Variants in NIN observed in about 807,000 individuals in gnomAD.
NIN encodes the protein glycogen synthase kinase 3 beta-interacting protein.
In NIN, 137 loss-of-function variants were observed where a neutral mutation model predicts 257.6. The observed-to-expected ratio is 0.53, with a 90% CI of 0.46 to 0.61. The LOEUF (loss-of-function observed/expected upper bound fraction) is 0.61, where lower values mean the gene tolerates loss of function less well. NIN is among the 20% of genes least tolerant of loss of function. The pLI, the probability that NIN is intolerant of heterozygous loss-of-function variation, is 0.00. For synonymous variants in NIN, 918 were observed against 919.8 expected (o/e 1.00, Z 0.04); for missense variants, 2,439 against 2,501.2 (o/e 0.98, Z 0.53).
intron 5 of NIN, 128 bp downstream of exon 5, chr14:50,792,584 C>A (rs756091778): frequency 1.1e-6 from 1 of 900,744 alleles, no homozygotes; most frequent in East Asian, 2.4e-5. Context: ...ATAAGATTAG[C>A]AAGGAGTTGG....
At chr14:50,746,310 C>G (rs1208342367) in intron 22 of NIN, among the ~76,000 whole-genome samples, 1 of 152,168 alleles carries the variant, frequency 6.6e-6, no homozygotes, top group African/African-American at 2.4e-5. Context: ...AGAAAGGCCC[C>G]ATGAGTTTTA....
chr14:50,757,672 C>T lies in NIN; in HGVS notation c.3358G>A (p.Ala1120Thr), dbSNP rs755431119. ...TGTAAAAACTGCTCTGTTTGTTCCG[C>T]AGTATTTCCAAAAAACTCAGTAGCT... ...EPATEFFGNT[A>T]EQTEQFLQQN... is the part of the protein sequence containing the mutation. Residue 1120 changes from alanine to threonine, a missense_variant, in exon 18 of 31, where the codon GCG becomes ACG. Transcript: ENST00000530997. 2 of 1,614,172 alleles carry T rather than the reference C, an allele frequency of 1.2e-6. No individual in the cohort carries two copies. Among genetic ancestry groups the T allele is most frequent in the East Asian group, 4.5e-5 (2 of 44,880 alleles).
rs1462866977 is a variant in NIN, at chr14:50,756,959, G to A, written c.4071C>T (p.Ile1357=). Residue 1357 remains isoleucine (I), a synonymous_variant, in exon 18 of 31, where the codon ATC becomes ATT. Coordinates refer to ENST00000530997, the MANE Select transcript of NIN (RefSeq NM_020921.4). The part of the protein sequence containing the change: ...LWEASLENLE[I]EPDGNILQLN... ...GCTGGAGTATATTTCCATCAGGTTC[G>A]ATTTCCAGGTTCTCTAAACTGGCTT... The A allele has an allele frequency of 3.1e-6, 5 of 1,606,936 alleles. No homozygotes were observed. The highest frequency in any genetic ancestry group is 2.2e-5 in the East Asian group (1 of 44,720).
At chr14:50,785,728 T>A (rs761201534) in intron 5 of NIN, among the ~76,000 whole-genome samples, 1 of 152,240 alleles carries the variant, frequency 6.6e-6, no homozygotes, top group Non-Finnish European at 1.5e-5. Flanking sequence ...CTAACAGTCC[T>A]AAGTATTTAT....
In NIN at chr14:50,756,791, A is replaced by G; in HGVS notation, c.4239T>C (p.His1413=). The part of the protein sequence containing the change: ...KVKAHEIAWL[H]GTIQTHQERP... ...TTTCTTGATGTGTCTGAATTGTTCCATGTAACCAGGCAATTTCATGTGCTT... is the reference window on the plus strand; with the variant it reads ...TTTCTTGATGTGTCTGAATTGTTCCGTGTAACCAGGCAATTTCATGTGCTT... Residue 1413 remains histidine (H), a synonymous_variant, in exon 18 of 31, where the codon CAT becomes CAC. Transcript: ENST00000530997. The G allele has an allele frequency of 6.4e-7, 1 of 1,551,616 alleles. No homozygotes were observed. The highest frequency in any genetic ancestry group is 8.7e-7 in the Non-Finnish European group (1 of 1,146,966).
chr14:50,737,575 A>C (rs2041049239), intron 27 of NIN, among the ~76,000 whole-genome samples: 1 of 149,674 alleles, frequency 6.7e-6, no homozygotes, highest in Non-Finnish European at 1.5e-5. Flanking sequence ...CCAACTTATA[A>C]GGGCTTCTAA....
At chr14:50,818,334 A>C (rs932658395) in intron 3 of NIN, among the ~76,000 whole-genome samples, 4 of 151,872 alleles carry the variant, frequency 2.6e-5, no homozygotes, top group Admixed American at 1.3e-4. Flanking sequence ...AAAAAAAAAA[A>C]AAAAACACTG....
rs1595684263 is a variant in NIN at position 50,723,859 on chromosome 14, T to C, written c.6193-187A>G. ...AGGGACACCATTGGAACAAATCTACTTTTTCTAAGCTATTTCTTTGCATGA... is the reference window on the plus strand; with the variant it reads ...AGGGACACCATTGGAACAAATCTACCTTTTCTAAGCTATTTCTTTGCATGA... On this transcript the variant is annotated intron_variant, in intron 30 of 30. Transcript: ENST00000530997. The C allele has an allele frequency of 5.2e-6, 3 of 575,970 alleles. No homozygotes were observed. The East Asian group carries it at 8.7e-5, about 17-fold the overall frequency. The allele number at this position is 575,970 out of a possible 1,614,324, so 35.7% of individuals were successfully genotyped here. A position where few individuals can be genotyped will look rare whatever the true frequency, so the allele number is the denominator to read the frequency against.
intron 21 of NIN, among the ~76,000 whole-genome samples, chr14:50,752,172 T>A (rs1044536751): frequency 6.7e-6 from 1 of 148,242 alleles, no homozygotes; most frequent in South Asian, 2.2e-4. Flanking sequence ...TTTTTTTTTA[T>A]ATTTAGTCTC....
chr14:50,762,353 C>T (rs59751493), intron 15 of NIN, among the ~76,000 whole-genome samples: 1,936 of 152,212 alleles, frequency 0.013, 36 homozygotes, highest in African/African-American at 0.044. Flanking sequence ...ATACTTGCTG[C>T]GATGCCCTGA....
intron 15 of NIN, among the ~76,000 whole-genome samples, chr14:50,763,016 G>A (rs532550241): frequency 6.6e-6 from 1 of 152,222 alleles, no homozygotes; most frequent in African/African-American, 2.4e-5. Flanking sequence ...TCCTCAGACT[G>A]GAATGAGCTA....
At chr14:50,810,456 C>G (rs2044540613) in intron 3 of NIN, among the ~76,000 whole-genome samples, 1 of 151,956 alleles carries the variant, frequency 6.6e-6, no homozygotes, top group Non-Finnish European at 1.5e-5. Flanking sequence ...ATTTGGGAGG[C>G]TGAAATAAGA....
chr14:50,805,755 T>C (rs1201998936), intron 4 of NIN, among the ~76,000 whole-genome samples: 2 of 152,192 alleles, frequency 1.3e-5, no homozygotes, highest in Non-Finnish European at 2.9e-5. Flanking sequence ...ATAATTTACA[T>C]AGAGTAAATT....
At position 50,806,807 on chromosome 14, in the gene NIN, G is replaced by C; in HGVS notation, c.195C>G (p.Asp65Glu). 1 of 1,515,594 alleles carries C rather than the reference G, an allele frequency of 6.6e-7. No individual in the cohort carries two copies. Among genetic ancestry groups the C allele is most frequent in the Non-Finnish European group, 9.1e-7 (1 of 1,097,286 alleles). The allele number at this position is 1,515,594 out of a possible 1,614,324, so 93.9% of individuals were successfully genotyped here. ...TGAGTATTAATGCTTCTTTAAATTGGTCAAAATGTACCTAAAAAAAATTAA... is the reference window on the plus strand; with the variant it reads ...TGAGTATTAATGCTTCTTTAAATTGCTCAAAATGTACCTAAAAAAAATTAA... ...QDNLLGRVHF[D>E]QFKEALILIL... The change falls in exon 4 of 31, where the codon GAC becomes GAG. Residue 65 changes from aspartate to glutamate, a missense_variant. Asp to Glu is a conservative substitution (Grantham distance 45). Coordinates refer to ENST00000530997, the MANE Select transcript of NIN (RefSeq NM_020921.4).
chr14:50,817,957 C>T (rs937896314), intron 3 of NIN, among the ~76,000 whole-genome samples: 1 of 151,826 alleles, frequency 6.6e-6, no homozygotes, highest in Non-Finnish European at 1.5e-5. Flanking sequence ...CTCCGGCAAT[C>T]CACCTGCCTC....
chr14:50,794,476 G>C, intron 4 of NIN: 1 of 999,648 alleles, frequency 1.0e-6, no homozygotes, highest in Non-Finnish European at 1.2e-6. Context: ...GACCATTCAG[G>C]AGCGGCCCAG....
rs1471468215 is a variant in NIN at position 50,721,413 on chromosome 14, C to T, written c.*2050G>A. 4.6e-6 allele frequency: 1 copy of T among 215,702 alleles called. No homozygotes were observed. The highest frequency in any genetic ancestry group is 6.9e-5 in the East Asian group (1 of 14,510). The allele number at this position is 215,702 out of a possible 1,614,324, so 13.4% of individuals were successfully genotyped here. On this transcript the variant is annotated 3_prime_UTR_variant, in exon 31 of 31. Transcript: ENST00000530997. ...ATTAAAAATACAACAACCGTGATCA[C>T]ATGCTAAGGCCAGCTATCTGGGAAA...
chr14:50,823,590 C>G (rs1034795664), intron 2 of NIN: 1 of 193,372 alleles, frequency 5.2e-6, no homozygotes, highest in African/African-American at 2.4e-5. Context: ...GGGCCACGAT[C>G]TTGCCAGGGG....
chr14:50,760,879 G>A (rs1277326668), intron 16 of NIN, among the ~76,000 whole-genome samples: 1 of 151,850 alleles, frequency 6.6e-6, no homozygotes, highest in Non-Finnish European at 1.5e-5. Context: ...ATGTTGCCCA[G>A]ACTGGTCTTG....
Sources: gnomAD v4.1 joint callset for allele counts (sites outside exome capture counted in the v4.1 genomes callset) on GRCh38, gnomAD v4.1.1 for gene constraint, MANE v1.5 for transcripts, NCBI Gene and HGNC (gene_info 2026-07-23, HGNC 2026-07-21) for gene names.